Variants in ATP2C1 observed in about 807,000 individuals in gnomAD.
ATP2C1 encodes the protein ATPase secretory pathway Ca2+ transporting 1.
Under a neutral mutation model 120.5 loss-of-function variants are expected in ATP2C1, and 31 were observed. The observed-to-expected ratio is 0.26, with a 90% CI of 0.19 to 0.35. The LOEUF is 0.35. Ranked by LOEUF, ATP2C1 falls within the 10% of genes least tolerant of loss-of-function variation. ATP2C1 has a pLI of 1.00. For synonymous variants in ATP2C1, 351 were observed against 358.7 expected (o/e 0.98, Z 0.24); for missense variants, 731 against 1,107.5 (o/e 0.66, Z 4.83).
At chr3:130,906,550 A>G (rs1285404819) in intron 2 of ATP2C1, among the ~76,000 whole-genome samples, 2 of 152,008 alleles carry the variant, frequency 1.3e-5, no homozygotes, top group African/African-American at 4.8e-5. Context: ...GTGCTGGGTC[A>G]TGGTAATTCT....
chr3:131,015,533 T>C (rs972627306), intron 26 of ATP2C1, among the ~76,000 whole-genome samples: 4 of 152,212 alleles, frequency 2.6e-5, no homozygotes, highest in African/African-American at 7.2e-5. Flanking sequence ...AACTCCCTTA[T>C]TGTCCTTCTT....
intron 2 of ATP2C1, among the ~76,000 whole-genome samples, chr3:130,905,885 C>G (rs933158339): frequency 2.0e-5 from 3 of 152,034 alleles, no homozygotes; most frequent in Non-Finnish European, 4.4e-5. Context: ...ATTTCTACAT[C>G]GTTTACACTT....
intron 7 of ATP2C1, among the ~76,000 whole-genome samples, chr3:130,941,117 T>C (rs1195482657): frequency 6.6e-6 from 1 of 151,956 alleles, no homozygotes; most frequent in Non-Finnish European, 1.5e-5. Flanking sequence ...GGTTTCACCA[T>C]GTTAGCCAGG....
rs563868795 is a variant in ATP2C1 at position 130,981,560 on chromosome 3, C to G, written c.1839+881C>G. 2.0e-5 allele frequency among the ~76,000 whole-genome samples: 3 copies of G among 152,190 alleles called. No individual in the cohort carries two copies. The South Asian group carries it at 6.2e-4, about 32-fold the overall frequency. On this transcript the variant is annotated intron_variant, in intron 20 of 27. Coordinates refer to ENST00000510168, the MANE Select transcript of ATP2C1 (RefSeq NM_001378687.1). ...TTTGCATGAAAATACATTTTCATAT[C>G]TCTTGGGTAAATATCTGTGAGTAAT...
At chr3:130,966,353 G>C (rs1019639575) in intron 14 of ATP2C1, among the ~76,000 whole-genome samples, 1 of 152,040 alleles carries the variant, frequency 6.6e-6, no homozygotes, top group East Asian at 1.9e-4. Context: ...TTGTTTTAAG[G>C]TCATGCTATA....
At chr3:130,959,718 C>T (rs1576888405) in intron 12 of ATP2C1, 3 of 156,550 alleles carry the variant, frequency 1.9e-5, no homozygotes. Flanking sequence ...ATTTAAAAAC[C>T]AAGTGTTTGT....
intron 22 of ATP2C1, among the ~76,000 whole-genome samples, 200 bp downstream of exon 22, chr3:130,994,298 C>T (rs2062496737): frequency 6.6e-6 from 1 of 152,096 alleles, no homozygotes; most frequent in Non-Finnish European, 1.5e-5. Flanking sequence ...AATGGCAGGA[C>T]CCTCATTTAA....
At chr3:130,915,472 G>T (rs931429683) in intron 2 of ATP2C1, among the ~76,000 whole-genome samples, 3 of 152,092 alleles carry the variant, frequency 2.0e-5, no homozygotes, top group African/African-American at 7.2e-5. Flanking sequence ...GAAAAAGTCT[G>T]TTACTTAGCT....
intron 14 of ATP2C1, among the ~76,000 whole-genome samples, chr3:130,965,503 G>A (rs1379103364): frequency 3.3e-5 from 5 of 152,042 alleles, no homozygotes. Flanking sequence ...GTACTCCAAT[G>A]GTTTTCCATT....
chr3:130,987,863 C>G (rs2062098279), intron 20 of ATP2C1, among the ~76,000 whole-genome samples: 1 of 152,134 alleles, frequency 6.6e-6, no homozygotes, highest in Admixed American at 6.5e-5. Flanking sequence ...TGACCTAGAG[C>G]CAGTTAAAAA....
At chr3:130,979,554 G>T in intron 19 of ATP2C1, 135 bp downstream of exon 19, 2 of 1,008,648 alleles carry the variant, frequency 2.0e-6, no homozygotes, top group Admixed American at 4.4e-5. Context: ...TCATGGTTTT[G>T]CTCATGGTCT....
chr3:130,976,069 CT>C (rs1257942887), intron 18 of ATP2C1, among the ~76,000 whole-genome samples: 2 of 152,100 alleles, frequency 1.3e-5, no homozygotes, highest in African/African-American at 4.8e-5. Flanking sequence ...TGATTCTTAC[CT>C]TCTGGATAGT....
At chr3:130,984,955 CTG>C (rs1269687720) in intron 20 of ATP2C1, among the ~76,000 whole-genome samples, 2 of 152,092 alleles carry the variant, frequency 1.3e-5, no homozygotes, top group East Asian at 3.8e-4. Context: ...AGCATATGAA[CTG>C]TATTTATAAA....
intron 14 of ATP2C1, among the ~76,000 whole-genome samples, chr3:130,966,786 TGTTACATATG>T (rs1316115053): frequency 6.6e-6 from 1 of 152,222 alleles, no homozygotes; most frequent in Non-Finnish European, 1.5e-5. Context: ...TTGTGTTGTA[TGTTACATATG>T]GTAATGCATT....
At chr3:130,992,065 C>A (rs2062378949) in intron 20 of ATP2C1, among the ~76,000 whole-genome samples, 1 of 152,176 alleles carries the variant, frequency 6.6e-6, no homozygotes, top group South Asian at 2.1e-4. Context: ...AAGTTAAAAT[C>A]ATTGTGAAAT....
intron 17 of ATP2C1, among the ~76,000 whole-genome samples, chr3:130,973,686 T>G (rs1005863701): frequency 2.0e-5 from 3 of 152,154 alleles, no homozygotes; most frequent in Non-Finnish European, 2.9e-5. Context: ...CTATTTAATA[T>G]TTTTGGACTG....
chr3:130,902,297 G>GTTTTTTTTTTTTTTTTTT (rs398052267), intron 2 of ATP2C1, among the ~76,000 whole-genome samples: 3 of 13,252 alleles, frequency 2.3e-4, no homozygotes, highest in African/African-American at 6.2e-4. Context: ...TTTTTTTTTT[G>GTTTTTTTTTTTTTTTTTT]TTTTTTTTTT....
chr3:130,937,549 G>C lies in ATP2C1; in HGVS notation c.360+86G>C, dbSNP rs560463177. On this transcript the variant is annotated intron_variant, in intron 6 of 27. Transcript: ENST00000510168. Reference sequence around the variant, plus strand: ...CTTGTGGTAGAACCTACCGTTATTGGGGGGTTGTAATGCCCATCAGAACAA... The same window carrying C: ...CTTGTGGTAGAACCTACCGTTATTGCGGGGTTGTAATGCCCATCAGAACAA... 35 of 1,147,850 alleles carry C rather than the reference G, an allele frequency of 3.0e-5. No homozygotes were observed. The African/African-American group carries it at 5.2e-4, about 17-fold the overall frequency. The allele number at this position is 1,147,850 out of a possible 1,614,324, so 71.1% of individuals were successfully genotyped here.
In ATP2C1 at chr3:130,973,341, C is replaced by T. The variant is rs114077137; in HGVS notation, c.1414-1991C>T. Among the ~76,000 whole-genome samples, 674 of 152,132 alleles carry T rather than the reference C, an allele frequency of 4.4e-3. 3 individuals carry two copies. The highest frequency in any genetic ancestry group is 0.014 in the African/African-American group (591 of 41,502). On this transcript the variant is annotated intron_variant, in intron 17 of 27. Transcript: ENST00000510168. Reference sequence around the variant, plus strand: ...TGAGGACACTTGGAGAGGGAGAATTCGAAGAGCTTCTAGAGAGCTTTAAGC... The same window carrying T: ...TGAGGACACTTGGAGAGGGAGAATTTGAAGAGCTTCTAGAGAGCTTTAAGC...
Sources: gnomAD v4.1 joint callset for allele counts (sites outside exome capture counted in the v4.1 genomes callset) on GRCh38, gnomAD v4.1.1 for gene constraint, MANE v1.5 for transcripts, NCBI Gene and HGNC (gene_info 2026-07-23, HGNC 2026-07-21) for gene names.